RIMS1: variants seen among roughly 807,000 people sequenced by gnomAD.
RIMS1 encodes the protein regulating synaptic membrane exocytosis protein 1.
Under a neutral mutation model 214.1 loss-of-function variants are expected in RIMS1, and 83 were observed. The ratio of observed to expected loss-of-function variants is 0.39; its 90% confidence interval spans 0.32 to 0.47. The LOEUF (loss-of-function observed/expected upper bound fraction) is 0.47. Ranked by LOEUF, RIMS1 falls within the 20% of genes least tolerant of loss-of-function variation. The pLI is 0.99. For missense variants in RIMS1, 2,050 were observed against 2,161.8 expected, an observed-to-expected ratio of 0.95 and a Z score of 1.03; for synonymous variants, 793 against 786.8, an observed-to-expected ratio of 1.01 and a Z score of -0.13.
intron 29 of RIMS1, among the ~76,000 whole-genome samples, chr6:72,338,712 A>C (rs9442770): frequency 6.6e-6 from 1 of 151,838 alleles, no homozygotes; most frequent in African/African-American, 2.4e-5. Context: ...CACACAAGAC[A>C]TACTATTCCC....
intron 2 of RIMS1, among the ~76,000 whole-genome samples, chr6:72,038,902 C>T (rs1820662278): frequency 6.6e-6 from 1 of 151,992 alleles, no homozygotes; most frequent in South Asian, 2.1e-4. Context: ...CTATAAGAGT[C>T]TTCTTGTACA....
chr6:71,927,544 G>C (rs766966969), intron 1 of RIMS1, among the ~76,000 whole-genome samples: 6 of 152,124 alleles, frequency 3.9e-5, no homozygotes, highest in Non-Finnish European at 8.8e-5. Flanking sequence ...AGGGCATACA[G>C]TATGAAATAC....
intron 2 of RIMS1, among the ~76,000 whole-genome samples, chr6:72,047,699 A>T (rs1823448237): frequency 6.6e-6 from 1 of 152,180 alleles, no homozygotes; most frequent in African/African-American, 2.4e-5. Flanking sequence ...CTTTGATAAA[A>T]TTTACACTAG....
At chr6:72,201,300 T>C (rs2051940694) in intron 6 of RIMS1, among the ~76,000 whole-genome samples, 1 of 152,200 alleles carries the variant, frequency 6.6e-6, no homozygotes, top group Non-Finnish European at 1.5e-5. Context: ...TAAAAAGATG[T>C]GTAACTAAAG....
intron 6 of RIMS1, among the ~76,000 whole-genome samples, chr6:72,184,986 C>T (rs1588710504): frequency 1.3e-5 from 2 of 152,156 alleles, no homozygotes; most frequent in East Asian, 3.9e-4. Context: ...GAGTTATTTT[C>T]CTGGACTAGA....
chr6:72,196,154 C>A (rs940000546), intron 6 of RIMS1, among the ~76,000 whole-genome samples: 1 of 152,102 alleles, frequency 6.6e-6, no homozygotes, highest in African/African-American at 2.4e-5. Flanking sequence ...GCAAAGAATT[C>A]ATTTTGTGTT....
chr6:72,287,652 G>T (rs1158758445), intron 24 of RIMS1, among the ~76,000 whole-genome samples: 1 of 151,414 alleles, frequency 6.6e-6, no homozygotes, highest in Non-Finnish European at 1.5e-5. Context: ...CTGGAGTGTG[G>T]TCACACGATG....
rs1233826848 is a variant in RIMS1 at position 71,886,661 on chromosome 6, G to A, written c.-363G>A. The A allele has an allele frequency of 6.7e-6, 1 of 150,246 alleles. No individual in the cohort carries two copies. Among genetic ancestry groups the A allele is most frequent in the Non-Finnish European group, 1.5e-5 (1 of 67,026 alleles). The allele number at this position is 150,246 out of a possible 1,614,324, so 9.3% of individuals were successfully genotyped here. On this transcript the variant is annotated 5_prime_UTR_variant, in exon 1 of 34. Transcript: ENST00000521978. ...CCCCGCCCCGCGCCCCGCCGGAGAC[G>A]CCCGGATCGGCGGAGCCTGGCGCGA... is the stretch of plus-strand genomic sequence containing the variant.
intron 1 of RIMS1, among the ~76,000 whole-genome samples, chr6:71,887,536 A>T (rs1052588536): frequency 2.8e-4 from 42 of 152,154 alleles, no homozygotes; most frequent in African/African-American, 9.2e-4. Flanking sequence ...CTGGGCTGGG[A>T]GCAGGTTAGG....
intron 4 of RIMS1, among the ~76,000 whole-genome samples, chr6:72,143,441 A>G (rs145069864): frequency 2.0e-5 from 3 of 152,306 alleles, no homozygotes; most frequent in African/African-American, 4.8e-5. Context: ...TGGGTTCACA[A>G]TGTCTCAACC....
chr6:72,182,256 C>T, intron 5 of RIMS1, 28 bp from the exon 6 acceptor site: 1 of 1,530,012 alleles, frequency 6.5e-7, no homozygotes, highest in African/African-American at 1.4e-5. Context: ...ATAAATTGCT[C>T]TCCTTGACGT....
At chr6:72,012,388 G>A (rs969242254) in intron 2 of RIMS1, among the ~76,000 whole-genome samples, 2 of 152,114 alleles carry the variant, frequency 1.3e-5, no homozygotes, top group Admixed American at 1.3e-4. Context: ...TAAATGACGA[G>A]TTAATGGGTG....
intron 26 of RIMS1, 66 bp from the exon 27 acceptor site, chr6:72,307,192 T>G: frequency 2.0e-6 from 2 of 985,408 alleles, no homozygotes; most frequent in Non-Finnish European, 1.6e-6. Context: ...ATTGAAATCT[T>G]AAACCATTCA....
rs2043853558 is a variant in RIMS1 at position 72,152,839 on chromosome 6, TATATATGG to T, written c.472-26734_472-26727del. On this transcript the variant is annotated intron_variant, in intron 4 of 33. Coordinates refer to ENST00000521978, the MANE Select transcript of RIMS1 (RefSeq NM_014989.7). Reference sequence around the variant, plus strand: ...TATATGGAATATATGTATATATATGTATATATGGAATATATGTATATATATGTATATAT... The same window carrying T: ...TATATGGAATATATGTATATATATGTAATATATGTATATATATGTATATAT... 4.6e-5 allele frequency among the ~76,000 whole-genome samples: 3 copies of T among 64,568 alleles called. 1 individual carries two copies. Among genetic ancestry groups the T allele is most frequent in the Non-Finnish European group, 8.3e-5 (3 of 36,182 alleles). The allele number at this position is 64,568 out of a possible 152,430, so 42.4% of individuals were successfully genotyped here.
intron 2 of RIMS1, among the ~76,000 whole-genome samples, chr6:72,016,586 G>A (rs893299677): frequency 6.6e-6 from 1 of 152,146 alleles, no homozygotes; most frequent in African/African-American, 2.4e-5. Context: ...ATTGTTGAAA[G>A]CTTGTGGTTA....
intron 1 of RIMS1, among the ~76,000 whole-genome samples, 196 bp from the exon 2 acceptor site, chr6:71,968,787 G>A (rs1003527096): frequency 1.3e-5 from 2 of 152,104 alleles, no homozygotes; most frequent in Non-Finnish European, 2.9e-5. Flanking sequence ...GATTTTATTC[G>A]GGTATAATTG....
intron 2 of RIMS1, among the ~76,000 whole-genome samples, chr6:72,039,793 G>T (rs1020235675): frequency 6.6e-6 from 1 of 151,974 alleles, no homozygotes; most frequent in Non-Finnish European, 1.5e-5. Context: ...TTAGCCCAGT[G>T]TGTATTGTAT....
chr6:72,129,483 GAAC>G (rs1218147219), intron 4 of RIMS1, among the ~76,000 whole-genome samples: 1 of 152,048 alleles, frequency 6.6e-6, no homozygotes, highest in East Asian at 1.9e-4. Context: ...GTAAAAATAA[GAAC>G]AACAGTATTA....
intron 29 of RIMS1, among the ~76,000 whole-genome samples, chr6:72,361,022 G>T (rs1483717667): frequency 2.8e-5 from 4 of 140,876 alleles, no homozygotes; most frequent in Non-Finnish European, 4.6e-5. Context: ...ATAAATAAAA[G>T]AGAAATTTAG....
Sources: gnomAD v4.1 joint callset for allele counts (sites outside exome capture counted in the v4.1 genomes callset) on GRCh38, gnomAD v4.1.1 for gene constraint, MANE v1.5 for transcripts, NCBI Gene and HGNC (gene_info 2026-07-23, HGNC 2026-07-21) for gene names.